TOE1: variants seen among roughly 807,000 people sequenced by gnomAD.
TOE1 encodes the protein target of EGR1 protein 1.
TOE1 carries 50 observed loss-of-function variants against 49.2 expected under a neutral mutation model. The ratio of observed to expected loss-of-function variants is 1.02; its 90% CI spans 0.81 to 1.29. The LOEUF (loss-of-function observed/expected upper bound fraction) is 1.29. Ranked by LOEUF, TOE1 falls within the 50% of genes most tolerant of loss-of-function variation. TOE1 has a pLI of 0.00. For missense variants in TOE1, 544 were observed against 654.4 expected, an observed-to-expected ratio of 0.83 and a Z score of 1.84; for synonymous variants, 221 against 247.0, an observed-to-expected ratio of 0.89 and a Z score of 0.99.
rs1647081770 is a variant in TOE1 at position 45,343,259 on chromosome 1, G to A, written c.1090G>A (p.Gly364Ser). The change falls in exon 8 of 8, where the codon GGT becomes AGT. Residue 364 changes from glycine (G) to serine (S), a missense_variant. Coordinates refer to ENST00000372090, the MANE Select transcript of TOE1 (RefSeq NM_025077.4). This position sits in a 1 kb window ranked among gnomAD's most constrained non-coding sequence, Gnocchi z 4.3. ...ACAGACCTCTGGGGAAGCTAAGGATGGTCCTCCCAAGAAGCAGGTCTGTGG... is the reference window on the plus strand; with the variant it reads ...ACAGACCTCTGGGGAAGCTAAGGATAGTCCTCCCAAGAAGCAGGTCTGTGG... ...GTQTSGEAKD[G>S]PPKKQVCGDS... 1 of 1,614,062 alleles carries A rather than the reference G, an allele frequency of 6.2e-7. No individual in the cohort carries two copies. Among genetic ancestry groups the A allele is most frequent in the Non-Finnish European group, 8.5e-7 (1 of 1,180,008 alleles).
At chr1:45,340,502 G>A (rs1344717957) in intron 1 of TOE1, 198 bp downstream of exon 1, 2 of 1,440,424 alleles carry the variant, frequency 1.4e-6, no homozygotes, top group African/African-American at 2.9e-5. Context: ...GCATGGGGCT[G>A]ATGGAGGCAT....
chr1:45,343,597 A>G lies in TOE1; in HGVS notation c.1428A>G (p.Val476=), dbSNP rs760613867. The G allele has an allele frequency of 2.2e-5, 36 of 1,613,940 alleles. No homozygotes were observed. Among genetic ancestry groups the G allele is most frequent in the Non-Finnish European group, 2.9e-5 (34 of 1,180,022 alleles). The change falls in exon 8 of 8, where the codon GTA becomes GTG. Residue 476 remains valine, a synonymous_variant. Coordinates refer to ENST00000372090, the MANE Select transcript of TOE1 (RefSeq NM_025077.4). This position sits in a 1 kb window ranked among gnomAD's most constrained non-coding sequence, Gnocchi z 4.3. ...GGCTCCCTGAATGCCACAATAAGGT[A>G]TATTTGAGTGGCAAAGCTGTACCCC... is the stretch of plus-strand genomic sequence containing the variant. The part of the protein sequence containing the change: ...GPWLPECHNK[V]YLSGKAVPLT...
intron 1 of TOE1, 31 bp downstream of exon 1, chr1:45,340,335 G>C (rs373902321): frequency 6.2e-7 from 1 of 1,601,490 alleles, no homozygotes; most frequent in East Asian, 2.3e-5. Context: ...AGCCTTCAAA[G>C]CCTCTGCGCT....
intron 4 of TOE1, 41 bp downstream of exon 4, chr1:45,341,610 G>C: frequency 6.4e-7 from 1 of 1,573,034 alleles, no homozygotes; most frequent in East Asian, 2.3e-5. Flanking sequence ...GTGGCTGTGG[G>C]GTGGAGGGTA....
rs145181924 is a variant in TOE1, at chr1:45,343,265, C to T, written c.1096C>T (p.Pro366Ser). Residue 366 changes from proline to serine, a missense_variant, in exon 8 of 8, where the codon CCC (proline) becomes TCC (serine). Pro to Ser is a moderately conservative substitution (Grantham distance 74). Transcript: ENST00000372090. The surrounding 1 kb of genome is among the most constrained non-coding windows in gnomAD (Gnocchi z 4.3). ...CTCTGGGGAAGCTAAGGATGGTCCT[C>T]CCAAGAAGCAGGTCTGTGGGGATAG... ...QTSGEAKDGP[P>S]KKQVCGDSIK... The T allele has an allele frequency of 6.3e-5, 101 of 1,614,068 alleles. No homozygotes were observed. In the African/African-American group the frequency reaches 1.0e-3, roughly 17 times the overall value.
intron 4 of TOE1, 96 bp from the exon 5 acceptor site, chr1:45,341,851 CCT>C (rs1421780597): frequency 9.3e-5 from 124 of 1,328,094 alleles, no homozygotes; most frequent in Admixed American, 3.3e-4. Flanking sequence ...TCCTTTCCCC[CCT>C]GAGTCCCCAG....
chr1:45,340,947 A>G, intron 1 of TOE1, 126 bp from the exon 2 acceptor site: 1 of 1,380,132 alleles, frequency 7.2e-7, no homozygotes, highest in Non-Finnish European at 1.0e-6. Context: ...TGGGTTACAA[A>G]GGCTTGTGGG....
At position 45,341,121 on chromosome 1, in the gene TOE1, TTCC is replaced by T. The variant is rs1458853072; in HGVS notation, c.102_104del (p.Pro35del). 6.2e-7 allele frequency: 1 copy of T among 1,614,178 alleles called. No individual in the cohort carries two copies. Among genetic ancestry groups the T allele is most frequent in the Non-Finnish European group, 8.5e-7 (1 of 1,180,036 alleles). Reference sequence around the variant, plus strand: ...TCTGGGGAGGAGCTAGTAGTCCAGGTTCCCGTAGTGGATGTGCAAAGCAACAAC... The same window carrying T: ...TCTGGGGAGGAGCTAGTAGTCCAGGTCGTAGTGGATGTGCAAAGCAACAAC... On this transcript the variant is annotated inframe_deletion, in exon 2 of 8. Coordinates refer to ENST00000372090, the MANE Select transcript of TOE1 (RefSeq NM_025077.4).
chr1:45,342,142 C>CT, intron 5 of TOE1, 35 bp downstream of exon 5: 1 of 1,607,808 alleles, frequency 6.2e-7, no homozygotes, highest in Non-Finnish European at 8.5e-7. Flanking sequence ...TGAGTCTGCC[C>CT]TTTCTGTGAC....
At chr1:45,341,034 T>C (rs746035355) in intron 1 of TOE1, 39 bp from the exon 2 acceptor site, 1 of 1,612,956 alleles carries the variant, frequency 6.2e-7, no homozygotes, top group South Asian at 1.1e-5. Flanking sequence ...CTGGGCTCTT[T>C]CCTTAAGCAT....
At chr1:45,341,659 T>G in intron 4 of TOE1, 90 bp downstream of exon 4, 1 of 1,200,556 alleles carries the variant, frequency 8.3e-7, no homozygotes, top group Non-Finnish European at 1.2e-6. Context: ...AGCATTTCTC[T>G]CCCAAATCTT....
At position 45,343,790 on chromosome 1, in the gene TOE1, G is replaced by A; in HGVS notation, c.*88G>A. On this transcript the variant is annotated 3_prime_UTR_variant, in exon 8 of 8. Coordinates refer to ENST00000372090, the MANE Select transcript of TOE1 (RefSeq NM_025077.4). The surrounding 1 kb of genome is among the most constrained non-coding windows in gnomAD (Gnocchi z 4.3). ...TCATCCTCAACTGCTACTGAGTTTA[G>A]GGGAGGGGGAATGTCTTGACAGACA... The A allele has an allele frequency of 2.7e-6, 4 of 1,461,724 alleles. No individual in the cohort carries two copies. The highest frequency in any genetic ancestry group is 3.7e-6 in the Non-Finnish European group (4 of 1,077,580). The allele number at this position is 1,461,724 out of a possible 1,614,324, so 90.5% of individuals were successfully genotyped here.
At chr1:45,340,550 G>GT (rs1378669147) in intron 1 of TOE1, 2 of 1,388,556 alleles carry the variant, frequency 1.4e-6, no homozygotes, top group African/African-American at 2.9e-5. Flanking sequence ...ACGGTTAGTA[G>GT]TAATAGTTGT....
chr1:45,340,658 C>A, intron 1 of TOE1: 1 of 1,162,976 alleles, frequency 8.6e-7, no homozygotes, highest in Non-Finnish European at 1.1e-6. Flanking sequence ...CTGGGGCTTA[C>A]TGGGAGCTGT....
At position 45,343,750 on chromosome 1, in the gene TOE1, C is replaced by T; in HGVS notation, c.*48C>T. ...GGTGGAACAGAGGTATTTTGGGTCTCTCTAGCCTGAAATGTCATCCTCAAC... is the reference window on the plus strand; with the variant it reads ...GGTGGAACAGAGGTATTTTGGGTCTTTCTAGCCTGAAATGTCATCCTCAAC... On this transcript the variant is annotated 3_prime_UTR_variant, in exon 8 of 8. Coordinates refer to ENST00000372090, the MANE Select transcript of TOE1 (RefSeq NM_025077.4). The surrounding 1 kb of genome is among the most constrained non-coding windows in gnomAD (Gnocchi z 4.3). 6.4e-7 allele frequency: 1 copy of T among 1,561,660 alleles called. No homozygotes were observed.
rs781609463 is a variant in TOE1 at position 45,340,256 on chromosome 1, G to C, written c.4G>C (p.Ala2Pro). MAADSDDGAVSA... is the reference protein window; with the variant it reads MPADSDDGAVSA... ...CAGGCGGGAGACGAGCGGTGTCATGGCCGCCGACAGTGACGATGGCGCAGT... is the reference window on the plus strand; with the variant it reads ...CAGGCGGGAGACGAGCGGTGTCATGCCCGCCGACAGTGACGATGGCGCAGT... The change falls in exon 1 of 8, where the codon GCC (alanine) becomes CCC (proline). Residue 2 changes from alanine to proline, a missense_variant. Ala to Pro is a conservative substitution (Grantham distance 27). Transcript: ENST00000372090. The C allele has an allele frequency of 6.8e-6, 11 of 1,613,628 alleles. No homozygotes were observed. Among genetic ancestry groups the C allele is most frequent in the Non-Finnish European group, 7.6e-6 (9 of 1,180,030 alleles).
chr1:45,340,355 G>T, intron 1 of TOE1, 51 bp downstream of exon 1: 1 of 1,583,050 alleles, frequency 6.3e-7, no homozygotes, highest in South Asian at 1.2e-5. Context: ...TCTGGGAGAG[G>T]GGAAGGCCTC....
In TOE1 at chr1:45,341,472, G is replaced by C. The variant is rs1646969951; in HGVS notation, c.237-1G>C. ...CAGCAACCCCCATACCCAACCCCAA[G>C]GTGCATTGAGGAACGTTACAAGGCC... On this transcript the variant is annotated splice_acceptor_variant, in intron 3 of 7. Coordinates refer to ENST00000372090, the MANE Select transcript of TOE1 (RefSeq NM_025077.4). LOFTEE classifies it high-confidence loss of function. 2 of 1,614,062 alleles carry C rather than the reference G, an allele frequency of 1.2e-6. No homozygotes were observed. Among genetic ancestry groups the C allele is most frequent in the South Asian group, 2.2e-5 (2 of 91,066 alleles).
At chr1:45,342,771 A>G (rs975586044) in intron 6 of TOE1, 72 bp from the exon 7 acceptor site, 14 of 1,607,424 alleles carry the variant, frequency 8.7e-6, no homozygotes, top group Non-Finnish European at 1.2e-5. Flanking sequence ...GCAGTGAACA[A>G]AACAGACCAC....
Sources: allele counts gnomAD v4.1 joint callset, GRCh38; gene constraint gnomAD v4.1.1; non-coding constraint Gnocchi (gnomAD v3.1); transcripts MANE v1.5; gene names NCBI Gene and HGNC (gene_info 2026-07-23, HGNC 2026-07-21).